Variants in SPTBN1 observed in about 807,000 individuals in gnomAD.
SPTBN1 encodes spectrin beta chain, non-erythrocytic 1.
SPTBN1 carries 32 observed loss-of-function variants against 266.4 expected under a neutral mutation model. The ratio of observed to expected loss-of-function variants is 0.12; its 90% CI spans 0.09 to 0.16. The LOEUF is 0.16. Among genes scored for constraint, SPTBN1 ranks in the 10% least tolerant of loss-of-function variants. SPTBN1 has a pLI of 1.00. For missense variants in SPTBN1, 2,296 were observed against 3,067.1 expected (o/e 0.75, Z 5.94); for synonymous variants, 1,336 against 1,162.2 (o/e 1.15, Z -3.04).
intron 2 of SPTBN1, among the ~76,000 whole-genome samples, chr2:54,583,428 G>A (rs1342714705): frequency 6.6e-6 from 1 of 152,072 alleles, no homozygotes; most frequent in Non-Finnish European, 1.5e-5. Flanking sequence ...GTAAATCAAG[G>A]GTATGAAATG....
At chr2:54,534,142 G>A (rs1671454242) in intron 2 of SPTBN1, among the ~76,000 whole-genome samples, 1 of 152,168 alleles carries the variant, frequency 6.6e-6, no homozygotes, top group South Asian at 2.1e-4. Flanking sequence ...GCTTAAGATA[G>A]TATATGCCAT....
intron 1 of SPTBN1, among the ~76,000 whole-genome samples, chr2:54,483,562 T>A (rs1200588308): frequency 6.6e-6 from 1 of 152,194 alleles, no homozygotes; most frequent in Non-Finnish European, 1.5e-5. Flanking sequence ...TTGCTGTGCC[T>A]TCCTGTCTCC....
At chr2:54,660,469 A>G in intron 32 of SPTBN1, 7 of 994,584 alleles carry the variant, frequency 7.0e-6, no homozygotes, top group Non-Finnish European at 7.2e-6. Flanking sequence ...GCCTTTACAG[A>G]TGTTATTAAC....
intron 1 of SPTBN1, among the ~76,000 whole-genome samples, chr2:54,508,887 A>T (rs1418828017): frequency 6.6e-6 from 1 of 152,264 alleles, no homozygotes; most frequent in East Asian, 1.9e-4. Flanking sequence ...TTAAAGAGGC[A>T]TTATTGATGG....
chr2:54,654,961 GTTTCTTTCAAGGCCAT>G (rs1680551590), intron 27 of SPTBN1, 93 bp from the exon 28 acceptor site: 2 of 631,150 alleles, frequency 3.2e-6, no homozygotes, highest in Non-Finnish European at 4.4e-6. Context: ...AAGACCATCA[GTTTCTTTCAAGGCCAT>G]CAGTTTCTTT....
intron 1 of SPTBN1, among the ~76,000 whole-genome samples, chr2:54,465,043 T>C (rs990315098): frequency 1.3e-5 from 2 of 152,296 alleles, no homozygotes; most frequent in African/African-American, 2.4e-5. Flanking sequence ...TTAAAAATTC[T>C]AATTTTTAAA....
At chr2:54,474,205 G>A (rs959946843) in intron 1 of SPTBN1, among the ~76,000 whole-genome samples, 1 of 152,208 alleles carries the variant, frequency 6.6e-6, no homozygotes, top group South Asian at 2.1e-4. Context: ...AAGTTTTGCT[G>A]TCTGAATAGG....
At chr2:54,651,519 C>A (rs929516033) in intron 26 of SPTBN1, among the ~76,000 whole-genome samples, 1 of 152,186 alleles carries the variant, frequency 6.6e-6, no homozygotes, top group Non-Finnish European at 1.5e-5. Context: ...TGGTTGTTTC[C>A]TTTTGTGCCA....
At chr2:54,500,665 C>T (rs1472255928) in intron 1 of SPTBN1, among the ~76,000 whole-genome samples, 2 of 152,162 alleles carry the variant, frequency 1.3e-5, no homozygotes, top group Admixed American at 6.5e-5. Context: ...CCCACCTCAG[C>T]CTCCTGTAGT....
intron 3 of SPTBN1, among the ~76,000 whole-genome samples, chr2:54,606,699 A>G (rs142374294): frequency 1.3e-5 from 2 of 152,346 alleles, no homozygotes; most frequent in East Asian, 3.9e-4. Flanking sequence ...CTTAAAGAGC[A>G]CACATGAGAG....
intron 2 of SPTBN1, among the ~76,000 whole-genome samples, chr2:54,534,372 G>A (rs1671470765): frequency 6.6e-6 from 1 of 152,042 alleles, no homozygotes; most frequent in East Asian, 1.9e-4. Flanking sequence ...GCATTATTTG[G>A]GACTATTTGT....
At chr2:54,488,592 G>T (rs1668528514) in intron 1 of SPTBN1, among the ~76,000 whole-genome samples, 1 of 151,992 alleles carries the variant, frequency 6.6e-6, no homozygotes, top group Non-Finnish European at 1.5e-5. Context: ...TGATCTCTTG[G>T]ACCCTTTTTC....
rs894127453 is a variant in SPTBN1 at position 54,529,267 on chromosome 2, G to A, written c.148+2701G>A. On this transcript the variant is annotated intron_variant, in intron 2 of 35. Transcript: ENST00000356805. Reference sequence around the variant, plus strand: ...TGTTTGAGACCACTTCATCTGGACCGAGCTAAAGTCTAGGAAGAAATAAAG... The same window carrying A: ...TGTTTGAGACCACTTCATCTGGACCAAGCTAAAGTCTAGGAAGAAATAAAG... 8.9e-5 allele frequency: 38 copies of A among 425,254 alleles called. No individual in the cohort carries two copies. The Admixed American group carries it at 9.6e-4, about 11-fold the overall frequency. The allele number at this position is 425,254 out of a possible 1,614,324, so 26.3% of individuals were successfully genotyped here.
intron 2 of SPTBN1, among the ~76,000 whole-genome samples, chr2:54,582,672 A>T (rs1000978941): frequency 1.3e-5 from 2 of 152,100 alleles, no homozygotes; most frequent in Middle Eastern, 3.2e-3. Context: ...GTGGCAGGAT[A>T]CCTTAAGAGA....
At chr2:54,512,174 TCAC>T (rs1669890315) in intron 1 of SPTBN1, among the ~76,000 whole-genome samples, 1 of 152,250 alleles carries the variant, frequency 6.6e-6, no homozygotes, top group Non-Finnish European at 1.5e-5. Flanking sequence ...TGTCCGCTGC[TCAC>T]CTTCTGCTGT....
chr2:54,475,650 T>C (rs780880335), intron 1 of SPTBN1, among the ~76,000 whole-genome samples: 4 of 152,180 alleles, frequency 2.6e-5, no homozygotes, highest in Non-Finnish European at 4.4e-5. Flanking sequence ...ACGGCATTCT[T>C]ACAGAGTGCC....
At chr2:54,511,879 A>C (rs573059924) in intron 1 of SPTBN1, among the ~76,000 whole-genome samples, 2 of 152,252 alleles carry the variant, frequency 1.3e-5, no homozygotes, top group South Asian at 4.1e-4. Flanking sequence ...TCAAAAAATA[A>C]TAATAATAAT....
chr2:54,663,466 A>G (rs1681182754), intron 32 of SPTBN1: 1 of 152,236 alleles, frequency 6.6e-6, no homozygotes, highest in African/African-American at 2.4e-5. Flanking sequence ...CACAGGCTGA[A>G]AATGATAATG....
chr2:54,619,993 T>C (rs1265652897), intron 7 of SPTBN1, among the ~76,000 whole-genome samples: 1 of 152,226 alleles, frequency 6.6e-6, no homozygotes, highest in Admixed American at 6.5e-5. Context: ...ATAATATCTG[T>C]TAAGAGCTGT....
Sources: allele counts gnomAD v4.1 joint callset (sites outside exome capture counted in the v4.1 genomes callset), GRCh38; gene constraint gnomAD v4.1.1; transcripts MANE v1.5; gene names NCBI Gene and HGNC (gene_info 2026-07-23, HGNC 2026-07-21).